The following NUP93 variants were observed in gnomAD, a reference collection of about 807,000 sequenced individuals.
NUP93 encodes nuclear pore complex protein Nup93.
In NUP93, 55 loss-of-function variants were observed where a neutral mutation model predicts 107.8. That is an observed-to-expected ratio of 0.51 (90% CI 0.41 to 0.64). NUP93 has a LOEUF of 0.64. Ranked by LOEUF, NUP93 falls within the 30% of genes least tolerant of loss-of-function variation. The pLI, the probability that NUP93 is intolerant of heterozygous loss-of-function variation, is 0.00. For synonymous variants in NUP93, 390 were observed against 397.5 expected, an observed-to-expected ratio of 0.98 and a Z score of 0.22; for missense variants, 937 against 1,044.7, an observed-to-expected ratio of 0.90 and a Z score of 1.42.
At chr16:56,739,495 C>A (rs1961671440) in intron 1 of NUP93, among the ~76,000 whole-genome samples, 1 of 100,468 alleles carries the variant, frequency 1.0e-5, no homozygotes, top group Non-Finnish European at 2.1e-5. Flanking sequence ...CCTCACCTCC[C>A]GGACGGGGCG....
chr16:56,808,242 G>A (rs150938725), intron 5 of NUP93, among the ~76,000 whole-genome samples: 10,638 of 19,400 alleles, frequency 0.55, 2,075 homozygotes, highest in East Asian at 0.78. Context: ...ATATAGTTAT[G>A]TAACTATATA....
At position 56,838,252 on chromosome 16, in the gene NUP93, C is replaced by G. The variant is rs145049424; in HGVS notation, c.2018+526C>G. Among the ~76,000 whole-genome samples the G allele has an allele frequency of 1.2e-3, 178 of 152,326 alleles. 1 individual carries two copies. The highest frequency in any genetic ancestry group is 2.2e-3 in the Non-Finnish European group (147 of 68,016). ...TCCTAGTAAAATGACCCAGAGAAAA[C>G]TGGGTTTGGGGTGCCTTCCCGGGGT... On this transcript the variant is annotated intron_variant, in intron 18 of 21. Transcript: ENST00000308159.
chr16:56,808,576 A>G (rs1401696434), intron 5 of NUP93, among the ~76,000 whole-genome samples: 1 of 126,524 alleles, frequency 7.9e-6, no homozygotes, highest in Non-Finnish European at 1.6e-5. Context: ...ATACATTTAT[A>G]TAAATATTTA....
intron 21 of NUP93, among the ~76,000 whole-genome samples, chr16:56,843,090 G>T (rs1185702265): frequency 2.0e-5 from 3 of 152,188 alleles, no homozygotes; most frequent in Admixed American, 6.5e-5. Context: ...AGGAATGTGG[G>T]TAACAGTGCT....
chr16:56,748,712 G>C (rs182168802), intron 2 of NUP93, among the ~76,000 whole-genome samples: 4 of 152,244 alleles, frequency 2.6e-5, no homozygotes, highest in African/African-American at 9.6e-5. Flanking sequence ...TCTGGTCACA[G>C]AAGTTCCTGC....
chr16:56,769,628 G>C (rs1246249500), intron 3 of NUP93, among the ~76,000 whole-genome samples: 1 of 152,168 alleles, frequency 6.6e-6, no homozygotes, highest in African/African-American at 2.4e-5. Context: ...TCCTGGAGCA[G>C]CTTTTAGTTT....
chr16:56,817,705 G>A (rs1963461900), intron 5 of NUP93, among the ~76,000 whole-genome samples: 1 of 152,006 alleles, frequency 6.6e-6, no homozygotes, highest in Non-Finnish European at 1.5e-5. Flanking sequence ...ATGGTGGCTG[G>A]CTTCATAAGA....
At chr16:56,792,271 C>G (rs563016899) in intron 3 of NUP93, among the ~76,000 whole-genome samples, 1 of 152,314 alleles carries the variant, frequency 6.6e-6, no homozygotes, top group Admixed American at 6.5e-5. Flanking sequence ...AACCACTGTT[C>G]TAAAGGAATG....
intron 3 of NUP93, among the ~76,000 whole-genome samples, chr16:56,773,794 C>T (rs1962364037): frequency 6.6e-6 from 1 of 152,194 alleles, no homozygotes; most frequent in South Asian, 2.1e-4. Flanking sequence ...CTTTTAAACT[C>T]AGTCCACCTG....
chr16:56,805,435 G>T, intron 4 of NUP93, 69 bp from the exon 5 acceptor site: 5 of 1,577,118 alleles, frequency 3.2e-6, no homozygotes, highest in Non-Finnish European at 4.3e-6. Context: ...TTAGGTTTCT[G>T]TTGGGTCTTA....
At chr16:56,776,550 A>G (rs1962420614) in intron 3 of NUP93, among the ~76,000 whole-genome samples, 1 of 152,258 alleles carries the variant, frequency 6.6e-6, no homozygotes, top group Non-Finnish European at 1.5e-5. Context: ...TGCTGAATTT[A>G]AAATAGAATT....
intron 2 of NUP93, among the ~76,000 whole-genome samples, chr16:56,752,972 G>T (rs763190842): frequency 6.6e-6 from 1 of 152,188 alleles, no homozygotes; most frequent in South Asian, 2.1e-4. Flanking sequence ...CCAAGTTGAA[G>T]AGGCTTCTAC....
intron 1 of NUP93, among the ~76,000 whole-genome samples, chr16:56,747,258 CCA>C (rs1282566843): frequency 6.6e-6 from 1 of 152,210 alleles, no homozygotes; most frequent in African/African-American, 2.4e-5. Context: ...CCTCGGCCTC[CCA>C]GAGTGCTGGG....
At chr16:56,834,942 C>G (rs1418579994) in intron 16 of NUP93, among the ~76,000 whole-genome samples, 164 bp downstream of exon 16, 1 of 152,090 alleles carries the variant, frequency 6.6e-6, no homozygotes, top group Admixed American at 6.6e-5. Flanking sequence ...AAATGATGAC[C>G]TTGGTTTTAC....
At chr16:56,828,857 T>C in intron 8 of NUP93, 120 bp from the exon 9 acceptor site, 2 of 962,242 alleles carry the variant, frequency 2.1e-6, no homozygotes, top group Non-Finnish European at 3.1e-6. Context: ...CTCTTCTGCA[T>C]TGAGCTTGAA....
At chr16:56,824,677 G>C (rs186858321) in intron 8 of NUP93, among the ~76,000 whole-genome samples, 4 of 152,156 alleles carry the variant, frequency 2.6e-5, no homozygotes, top group African/African-American at 9.7e-5. Flanking sequence ...TCAATAAAAC[G>C]ATACTTCATT....
At chr16:56,747,033 T>G (rs1253073132) in intron 1 of NUP93, among the ~76,000 whole-genome samples, 5 of 152,046 alleles carry the variant, frequency 3.3e-5, no homozygotes, top group African/African-American at 1.2e-4. Flanking sequence ...AGTCTCACTC[T>G]ATTGCCCAGG....
At chr16:56,773,377 G>A (rs148099116) in intron 3 of NUP93, among the ~76,000 whole-genome samples, 35 of 152,330 alleles carry the variant, frequency 2.3e-4, no homozygotes, top group African/African-American at 7.7e-4. Context: ...TTATTTTGGA[G>A]CAACAAACGC....
chr16:56,844,244 A>G (rs1245704535), intron 21 of NUP93, among the ~76,000 whole-genome samples: 1 of 152,180 alleles, frequency 6.6e-6, no homozygotes, highest in African/African-American at 2.4e-5. Context: ...TGGCAAACCC[A>G]TCTGCTTTTT....
Sources: allele counts gnomAD v4.1 joint callset (sites outside exome capture counted in the v4.1 genomes callset), GRCh38; gene constraint gnomAD v4.1.1; transcripts MANE v1.5; gene names NCBI Gene and HGNC (gene_info 2026-07-23, HGNC 2026-07-21).